Variants in NME7 observed in about 807,000 individuals in gnomAD.
NME7 encodes the protein NME/NM23 family member 7.
Under a neutral mutation model 49.1 loss-of-function variants are expected in NME7, and 41 were observed. The observed-to-expected ratio is 0.83, with a 90% confidence interval of 0.65 to 1.08. The LOEUF is 1.08. Among genes scored for constraint, NME7 ranks in the 50% least tolerant of loss-of-function variants. The pLI, the probability that NME7 is intolerant of heterozygous loss-of-function variation, is 0.00. For synonymous variants in NME7, 139 were observed against 150.6 expected (o/e 0.92, Z 0.56); for missense variants, 423 against 463.4 (o/e 0.91, Z 0.80).
intron 1 of NME7, among the ~76,000 whole-genome samples, chr1:169,357,603 GAT>G (rs1419435045): frequency 2.6e-5 from 4 of 152,000 alleles, no homozygotes; most frequent in African/African-American, 9.7e-5. Flanking sequence ...AGATATCTAA[GAT>G]AGACAGATAT....
chr1:169,149,666 G>T (rs551540813), intron 11 of NME7, among the ~76,000 whole-genome samples: 5 of 152,300 alleles, frequency 3.3e-5, no homozygotes, highest in Non-Finnish European at 2.9e-5. Context: ...TGTGAATGTG[G>T]TCTTTCACTT....
intron 7 of NME7, among the ~76,000 whole-genome samples, chr1:169,283,370 G>C (rs865785070): frequency 2.6e-5 from 4 of 152,090 alleles, no homozygotes; most frequent in African/African-American, 4.8e-5. Context: ...CCTGAATACA[G>C]CACACTGATG....
intron 11 of NME7, among the ~76,000 whole-genome samples, chr1:169,136,330 A>C (rs934563312): frequency 1.3e-5 from 2 of 152,226 alleles, no homozygotes; most frequent in African/African-American, 2.4e-5. Flanking sequence ...ATAATAGTAT[A>C]ATACAACTCA....
intron 7 of NME7, among the ~76,000 whole-genome samples, chr1:169,265,765 C>T (rs533925241): frequency 7.7e-6 from 1 of 129,854 alleles, no homozygotes; most frequent in South Asian, 2.4e-4. Flanking sequence ...TAAACACAAT[C>T]AGAAATGACA....
chr1:169,276,295 C>T (rs1484609858), intron 7 of NME7, among the ~76,000 whole-genome samples: 6 of 133,294 alleles, frequency 4.5e-5, no homozygotes, highest in Non-Finnish European at 7.1e-5. Context: ...TGGTACAATT[C>T]GGCTGTGAAT....
intron 7 of NME7, among the ~76,000 whole-genome samples, chr1:169,252,727 T>C (rs1648689050): frequency 6.7e-6 from 1 of 149,990 alleles, no homozygotes; most frequent in African/African-American, 2.4e-5. Flanking sequence ...CCATCTTGAA[T>C]TGATTTTTGT....
At chr1:169,289,522 A>G (rs1428986121) in intron 6 of NME7, among the ~76,000 whole-genome samples, 1 of 152,190 alleles carries the variant, frequency 6.6e-6, no homozygotes, top group Non-Finnish European at 1.5e-5. Context: ...CAGGATTCAA[A>G]TCCAAGTGAC....
chr1:169,216,380 A>C (rs1344758529), intron 10 of NME7, among the ~76,000 whole-genome samples: 1 of 152,244 alleles, frequency 6.6e-6, no homozygotes, highest in East Asian at 1.9e-4. Context: ...TGAGACTTTC[A>C]TAAAAATACA....
chr1:169,238,477 G>GCACACGCGCACACACA (rs377689410), intron 7 of NME7, among the ~76,000 whole-genome samples: 2 of 124,066 alleles, frequency 1.6e-5, no homozygotes, highest in African/African-American at 5.8e-5. Flanking sequence ...ATGCACAAAG[G>GCACACGCGCACACACA]CACACACACA....
chr1:169,348,185 A>G (rs1258620578), intron 1 of NME7, among the ~76,000 whole-genome samples: 1 of 152,212 alleles, frequency 6.6e-6, no homozygotes, highest in East Asian at 1.9e-4. Flanking sequence ...AAGTGTTAGA[A>G]GTAGTGATCA....
At chr1:169,276,048 G>A (rs905309845) in intron 7 of NME7, among the ~76,000 whole-genome samples, 2 of 133,566 alleles carry the variant, frequency 1.5e-5, no homozygotes, top group African/African-American at 5.1e-5. Context: ...ACTTGATCAT[G>A]GTGGATAAGC....
chr1:169,173,092 C>T (rs918556104), intron 10 of NME7, among the ~76,000 whole-genome samples: 1 of 152,160 alleles, frequency 6.6e-6, no homozygotes, highest in Admixed American at 6.5e-5. Context: ...AAAAGGCTCT[C>T]TGGATTTGAA....
In NME7 at chr1:169,195,882, T is replaced by A. The variant is rs565618980; in HGVS notation, c.991-26328A>T. Among the ~76,000 whole-genome samples the A allele has an allele frequency of 3.7e-5, 5 of 136,108 alleles. No individual in the cohort carries two copies. The East Asian group carries it at 1.6e-3, about 44-fold the overall frequency. 89.3% of individuals were successfully genotyped at this position (136,108 alleles called of 152,430 possible). ...AAAAATAAGTGTGTTCAATAGTAAATGGTATAGTATGTTTAGAAGCTAATA... is the reference window on the plus strand; with the variant it reads ...AAAAATAAGTGTGTTCAATAGTAAAAGGTATAGTATGTTTAGAAGCTAATA... On this transcript the variant is annotated intron_variant, in intron 10 of 11. Transcript: ENST00000367811.
At chr1:169,256,366 G>A (rs1399697668) in intron 7 of NME7, among the ~76,000 whole-genome samples, 3 of 134,048 alleles carry the variant, frequency 2.2e-5, no homozygotes, top group African/African-American at 7.6e-5. Context: ...CGACTCCTGA[G>A]GCTTCTGCGT....
intron 7 of NME7, among the ~76,000 whole-genome samples, chr1:169,265,446 C>T (rs1649289757): frequency 7.5e-6 from 1 of 133,080 alleles, no homozygotes; most frequent in African/African-American, 2.5e-5. Context: ...AGAACAAAGA[C>T]ACAACAAATC....
At chr1:169,362,157 G>A (rs761295973) in intron 1 of NME7, among the ~76,000 whole-genome samples, 3 of 151,948 alleles carry the variant, frequency 2.0e-5, no homozygotes, top group African/African-American at 7.3e-5. Context: ...GCAGTGACCC[G>A]AGATCACACC....
At chr1:169,280,866 T>C (rs1048567686) in intron 7 of NME7, among the ~76,000 whole-genome samples, 1 of 151,424 alleles carries the variant, frequency 6.6e-6, no homozygotes, top group Non-Finnish European at 1.5e-5. Flanking sequence ...AGCCTTGTAG[T>C]ATAGTTAGAA....
intron 1 of NME7, among the ~76,000 whole-genome samples, chr1:169,340,449 A>ACAG (rs765548830): frequency 2.0e-5 from 3 of 152,204 alleles, no homozygotes; most frequent in Non-Finnish European, 4.4e-5. Flanking sequence ...GGTATTCTTT[A>ACAG]CAGCAGTGTG....
intron 7 of NME7, among the ~76,000 whole-genome samples, chr1:169,257,211 G>A (rs1166798535): frequency 1.5e-5 from 2 of 134,260 alleles, no homozygotes; most frequent in African/African-American, 5.0e-5. Flanking sequence ...CTGGCAATCG[G>A]CGAGACTCCG....
Sources: allele counts gnomAD v4.1 joint callset (sites outside exome capture counted in the v4.1 genomes callset), GRCh38; gene constraint gnomAD v4.1.1; transcripts MANE v1.5; gene names NCBI Gene and HGNC (gene_info 2026-07-23, HGNC 2026-07-21).